Variants in IPO5 observed in about 807,000 individuals in gnomAD.
IPO5 encodes importin 5, also known as importin-5.
In IPO5, 18 loss-of-function variants were observed where a neutral mutation model predicts 143.3. That is an observed-to-expected ratio of 0.13 (90% CI 0.09 to 0.19). The LOEUF (loss-of-function observed/expected upper bound fraction) is 0.19. IPO5 is among the 10% of genes least tolerant of loss of function. The pLI is 1.00. For missense variants in IPO5, 1,013 were observed against 1,336.9 expected, an observed-to-expected ratio of 0.76 and a Z score of 3.78; for synonymous variants, 477 against 465.7, an observed-to-expected ratio of 1.02 and a Z score of -0.31.
At chr13:97,959,129 G>A (rs1476081209) in intron 2 of IPO5, among the ~76,000 whole-genome samples, 4 of 151,178 alleles carry the variant, frequency 2.6e-5, no homozygotes, top group South Asian at 2.1e-4. Context: ...CTAAGATCAC[G>A]CCACTGCACT....
chr13:97,990,615 T>G lies in IPO5; in HGVS notation c.669+78T>G, dbSNP rs1887728484. ...TGCATTCAATCATTTATGCAATAAA[T>G]TCATATTGCCTATTATGTTCTGGCG... On this transcript the variant is annotated intron_variant, in intron 9 of 28. Coordinates refer to ENST00000651721, the MANE Select transcript of IPO5 (RefSeq NM_002271.6). The G allele has an allele frequency of 3.9e-6, 3 of 778,910 alleles. No homozygotes were observed. In the Admixed American group the frequency reaches 8.0e-5, roughly 21 times the overall value. The allele number at this position is 778,910 out of a possible 1,614,324, so 48.2% of individuals were successfully genotyped here. A position where few individuals can be genotyped will look rare whatever the true frequency, so the allele number is the denominator to read the frequency against.
At chr13:98,002,415 T>C (rs1414921063) in intron 13 of IPO5, 52 bp from the exon 14 acceptor site, 3 of 1,553,612 alleles carry the variant, frequency 1.9e-6, no homozygotes, top group Admixed American at 3.8e-5. Context: ...TCTACCAGAA[T>C]GACATGTTTA....
rs565421359 is a variant in IPO5, at chr13:98,001,078, TG to T, written c.1108+434del. 3.7e-3 allele frequency among the ~76,000 whole-genome samples: 557 copies of T among 152,338 alleles called. 3 individuals carry two copies. The highest frequency in any genetic ancestry group is 0.012 in the African/African-American group (517 of 41,582). Reference sequence around the variant, plus strand: ...TTGTTGACACAGGATTTCGCCATGTTGCCCAGGCTGGTCTCAAACTCCTGGC... The same window carrying T: ...TTGTTGACACAGGATTTCGCCATGTTCCCAGGCTGGTCTCAAACTCCTGGC... On this transcript the variant is annotated intron_variant, in intron 13 of 28. Transcript: ENST00000651721.
rs755796698 is a variant in IPO5 at position 98,014,121 on chromosome 13, G to C, written c.2232G>C (p.Gln744His). Residue 744 changes from glutamine to histidine, a missense_variant, in exon 22 of 29, where the codon CAG becomes CAC. Gln to His is a conservative substitution (Grantham distance 24). This residue lies in a region of IPO5 where 685 missense variants were observed against 994.9 expected (regional missense o/e 0.69). Coordinates refer to ENST00000651721, the MANE Select transcript of IPO5 (RefSeq NM_002271.6). ...TCCGTGGTCCTGAGTATCTCACACAGATGTGGCATTTTATGTGTGATGCTC... is the reference window on the plus strand; with the variant it reads ...TCCGTGGTCCTGAGTATCTCACACACATGTGGCATTTTATGTGTGATGCTC... ...ARVRGPEYLTQMWHFMCDALI... is the reference protein window; with the variant it reads ...ARVRGPEYLTHMWHFMCDALI... 23 of 1,613,030 alleles carry C rather than the reference G, an allele frequency of 1.4e-5. 1 individual carries two copies. In the South Asian group the frequency reaches 2.0e-4, roughly 14 times the overall value.
rs572236710 is a variant in IPO5 at position 97,980,839 on chromosome 13, A to G, written c.91-1664A>G. ...GAGACTCTATCTCAAAAAAAAAAAA[A>G]AAAAAGTTTTTGCAAAAACTTGATT... On this transcript the variant is annotated intron_variant, in intron 4 of 28. Transcript: ENST00000651721. 2.0e-5 allele frequency among the ~76,000 whole-genome samples: 3 copies of G among 152,050 alleles called. No homozygotes were observed. In the East Asian group the frequency reaches 5.8e-4, roughly 29 times the overall value.
At chr13:97,963,333 G>A (rs1392904213) in intron 2 of IPO5, 1 of 150,632 alleles carries the variant, frequency 6.6e-6, no homozygotes, top group Non-Finnish European at 1.5e-5. Context: ...CTATATGTCT[G>A]TCCTTATGCC....
Position 98,016,798 on chromosome 13 carries a change from GA to G in IPO5, c.2567del (p.Lys856ArgfsTer12). 3 of 1,578,618 alleles carry G rather than the reference GA, an allele frequency of 1.9e-6. No homozygotes were observed. Among genetic ancestry groups the G allele is most frequent in the Admixed American group, 1.9e-5 (1 of 53,678 alleles). ...ACACTCAATATTCAGTAGCTACAAA[GA>G]AAAGGTGTTACCATGGTTTGAACAG... ...ILHSIFSSYKEKVLPWFEQLL... is the reference protein window; with the variant it reads ...ILHSIFSSYKXKVLPWFEQLL... On this transcript the variant is annotated frameshift_variant, in exon 25 of 29. Coordinates refer to ENST00000651721, the MANE Select transcript of IPO5 (RefSeq NM_002271.6). LOFTEE classifies it high-confidence loss of function.
intron 11 of IPO5, among the ~76,000 whole-genome samples, chr13:97,997,303 A>G (rs1349745871): frequency 6.6e-6 from 1 of 152,188 alleles, no homozygotes; most frequent in Non-Finnish European, 1.5e-5. Flanking sequence ...CGGATTTGGG[A>G]ATTTCATAGG....
At chr13:97,968,339 G>A (rs1295388432) in intron 2 of IPO5, among the ~76,000 whole-genome samples, 2 of 152,178 alleles carry the variant, frequency 1.3e-5, no homozygotes, top group Admixed American at 1.3e-4. Context: ...TTCACTTGAG[G>A]AAAATGTTTA....
At chr13:98,018,771 T>G in intron 26 of IPO5, 67 bp downstream of exon 26, 1 of 1,130,112 alleles carries the variant, frequency 8.8e-7, no homozygotes, top group Non-Finnish European at 1.3e-6. Context: ...CTTTACTCTC[T>G]TTACCACACT....
At chr13:97,966,663 A>G (rs556419946) in intron 2 of IPO5, among the ~76,000 whole-genome samples, 4 of 152,246 alleles carry the variant, frequency 2.6e-5, no homozygotes, top group African/African-American at 9.6e-5. Context: ...TTGAGTAGGA[A>G]TGGTGTTAAT....
chr13:97,974,887 T>A (rs1416684019), intron 3 of IPO5, among the ~76,000 whole-genome samples: 1 of 152,166 alleles, frequency 6.6e-6, no homozygotes, highest in African/African-American at 2.4e-5. Context: ...GAATTTTCTC[T>A]AGGAACCAAT....
At chr13:97,978,644 A>G (rs1321050781) in intron 4 of IPO5, among the ~76,000 whole-genome samples, 1 of 152,206 alleles carries the variant, frequency 6.6e-6, no homozygotes, top group Non-Finnish European at 1.5e-5. Context: ...TAATCCCAGC[A>G]TGAAAATAAT....
chr13:97,973,803 C>A (rs958558162), intron 3 of IPO5, among the ~76,000 whole-genome samples: 4 of 152,144 alleles, frequency 2.6e-5, no homozygotes, highest in South Asian at 2.1e-4. Context: ...GGTGTGGTGG[C>A]GGAGGCCTGT....
intron 2 of IPO5, among the ~76,000 whole-genome samples, chr13:97,959,914 C>T (rs1332623234): frequency 6.6e-6 from 1 of 152,214 alleles, no homozygotes; most frequent in East Asian, 1.9e-4. Context: ...TGTCCGCATG[C>T]TCACCGTGGA....
chr13:97,974,234 T>C (rs7339145), intron 3 of IPO5, among the ~76,000 whole-genome samples: 84,135 of 151,958 alleles, frequency 0.55, 24,446 homozygotes, highest in African/African-American at 0.74. Context: ...GGCCATGCCC[T>C]AAGCAGCCTC....
chr13:97,986,902 C>T (rs1594069867), intron 6 of IPO5: 1 of 152,192 alleles, frequency 6.6e-6, no homozygotes, highest in East Asian at 1.9e-4. Flanking sequence ...CAGGCAGAAG[C>T]TCTGATACAT....
At chr13:98,013,402 C>T (rs1321398877) in intron 21 of IPO5, among the ~76,000 whole-genome samples, 1 of 152,082 alleles carries the variant, frequency 6.6e-6, no homozygotes, top group Non-Finnish European at 1.5e-5. Context: ...TATGCCTTTA[C>T]ACACGAGAGT....
chr13:97,983,541 C>CCT (rs1887038576), intron 5 of IPO5, among the ~76,000 whole-genome samples: 1 of 104,326 alleles, frequency 9.6e-6, no homozygotes, highest in Non-Finnish European at 1.8e-5. Context: ...AATTCCACCC[C>CCT]CCCCCCCCAC....
Sources: gnomAD v4.1 joint callset for allele counts (sites outside exome capture counted in the v4.1 genomes callset) on GRCh38, gnomAD v4.1.1 for gene constraint, gnomAD v4.1.1 regional missense constraint, MANE v1.5 for transcripts, NCBI Gene and HGNC (gene_info 2026-07-23, HGNC 2026-07-21) for gene names.